The following OR4K1 variants were observed in gnomAD, a reference collection of about 807,000 sequenced individuals.
The protein encoded by OR4K1 is olfactory receptor 4K1.
Under a neutral mutation model 14.4 loss-of-function variants are expected in OR4K1, and 16 were observed. That is an observed-to-expected ratio of 1.11 (90% confidence interval 0.75 to 1.68). The LOEUF (loss-of-function observed/expected upper bound fraction) is 1.68. OR4K1 is among the 40% of genes most tolerant of loss of function. The probability of loss-of-function intolerance (pLI) is 0.00; values close to 1 mark genes in which losing one functional copy is unlikely to be tolerated. For missense variants in OR4K1, 548 were observed against 376.9 expected (o/e 1.45, Z -3.76); for synonymous variants, 181 against 133.1 (o/e 1.36, Z -2.48).
intron 1 of OR4K1, among the ~76,000 whole-genome samples, chr14:19,932,182 G>A (rs1405301802): frequency 1.3e-5 from 2 of 152,168 alleles, no homozygotes; most frequent in African/African-American, 2.4e-5. Flanking sequence ...GATATAATTT[G>A]TGGGAAATTT....
chr14:19,923,347 T>G, the OR4K1 span, among the ~76,000 whole-genome samples: 5 of 152,246 alleles, frequency 3.3e-5, no homozygotes, highest in Non-Finnish European at 7.3e-5. Flanking sequence ...ATAGATTAAG[T>G]TCTCTCATCT....
At chr14:19,926,918 A>T (rs1264355867), upstream of OR4K1, among the ~76,000 whole-genome samples, 1 of 152,274 alleles carries the variant, frequency 6.6e-6, no homozygotes, top group Non-Finnish European at 1.5e-5. Flanking sequence ...AATAGATCTT[A>T]GTATGCTGTT....
In OR4K1 at chr14:19,936,325, T is replaced by C. The variant is rs764249371; in HGVS notation, c.659T>C (p.Ile220Thr). 1.2e-6 allele frequency: 2 copies of C among 1,614,160 alleles called. No homozygotes were observed. Among genetic ancestry groups the C allele is most frequent in the African/African-American group, 1.3e-5 (1 of 74,956 alleles). Residue 220 changes from isoleucine (I) to threonine (T), a missense_variant, in exon 2 of 2, where the codon ATC becomes ACC. By Grantham distance (89) the Ile-to-Thr change is moderately conservative. Coordinates refer to ENST00000641172, the MANE Select transcript of OR4K1 (RefSeq NM_001004063.3). Reference protein sequence around the residue: ...CFLALIISYTIILIGVRCRSS... With the variant: ...CFLALIISYTTILIGVRCRSS... ...CTGGCTTTAATTATTTCCTACACCA[T>C]CATTTTGATCGGTGTCCGATGCAGG...
chr14:19,936,006 T>C lies in OR4K1; in HGVS notation c.340T>C (p.Leu114=). 6.2e-7 allele frequency: 1 copy of C among 1,614,264 alleles called. No individual in the cohort carries two copies. The highest frequency in any genetic ancestry group is 8.5e-7 in the Non-Finnish European group (1 of 1,180,036). ...CAGTTTTGTTGGGAGTGAGATGATG[T>C]TGCTTGTAGCTATGGCATATGACAG... The part of the protein sequence containing the change: ...LHSFVGSEMM[L]LVAMAYDRFI... Residue 114 remains leucine (L), a synonymous_variant, in exon 2 of 2, where the codon TTG becomes CTG. Transcript: ENST00000641172.
the OR4K1 span, chr14:19,920,916 A>G: frequency 1.2e-6 from 2 of 1,614,150 alleles, no homozygotes; most frequent in Non-Finnish European, 8.5e-7. Flanking sequence ...AATTTTCTTT[A>G]TTCACCTTTT....
the OR4K1 span, chr14:19,921,543 GAA>G: frequency 6.2e-7 from 1 of 1,613,410 alleles, no homozygotes; most frequent in African/African-American, 1.3e-5. Context: ...GAGAATTTCT[GAA>G]ATGTCACTAG....
At chr14:19,924,008 T>C in the OR4K1 span, among the ~76,000 whole-genome samples, 2 of 152,222 alleles carry the variant, frequency 1.3e-5, no homozygotes, top group African/African-American at 2.4e-5. Flanking sequence ...TCAAATATGT[T>C]AATGAGAGAA....
At chr14:19,920,692 G>T in the OR4K1 span, 1 of 1,613,870 alleles carries the variant, frequency 6.2e-7, no homozygotes, top group Non-Finnish European at 8.5e-7. Flanking sequence ...TTCTATTTTT[G>T]TTTCTTCTCT....
At chr14:19,925,782 G>A in the OR4K1 span, among the ~76,000 whole-genome samples, 9 of 152,256 alleles carry the variant, frequency 5.9e-5, no homozygotes, top group African/African-American at 1.7e-4. Flanking sequence ...ACCCCAAAAG[G>A]CCAACGGGAT....
At chr14:19,920,967 G>A in the OR4K1 span, 47 of 1,614,012 alleles carry the variant, frequency 2.9e-5, no homozygotes, top group African/African-American at 5.1e-4. Flanking sequence ...GATGGCCTAT[G>A]ACAGGTATGT....
upstream of OR4K1, among the ~76,000 whole-genome samples, chr14:19,928,191 T>A (rs759787045): frequency 6.6e-6 from 1 of 152,352 alleles, no homozygotes; most frequent in East Asian, 1.9e-4. Flanking sequence ...AAGGCATAGA[T>A]TGGACTCTCT....
chr14:19,920,853 G>A, the OR4K1 span: 1 of 1,614,164 alleles, frequency 6.2e-7, no homozygotes, highest in Non-Finnish European at 8.5e-7. Context: ...TAAAATGATT[G>A]CAGATTTTCT....
chr14:19,928,084 A>T (rs998851612), upstream of OR4K1, among the ~76,000 whole-genome samples: 1 of 152,216 alleles, frequency 6.6e-6, no homozygotes, highest in Non-Finnish European at 1.5e-5. Context: ...GAGATGGTGA[A>T]CTCCAAAATG....
At chr14:19,928,532 CTATT>C (rs1352546783), upstream of OR4K1, among the ~76,000 whole-genome samples, 2 of 152,020 alleles carry the variant, frequency 1.3e-5, no homozygotes, top group Admixed American at 1.3e-4. Flanking sequence ...TTTAAAATTC[CTATT>C]TGTTTATTTT....
upstream of OR4K1, among the ~76,000 whole-genome samples, chr14:19,928,022 C>A (rs1882098101): frequency 6.6e-6 from 1 of 152,206 alleles, no homozygotes; most frequent in South Asian, 2.1e-4. Flanking sequence ...TTGGAATGAC[C>A]TTTAAAAGCC....
the OR4K1 span, among the ~76,000 whole-genome samples, chr14:19,922,077 C>T: frequency 3.9e-4 from 51 of 129,524 alleles, no homozygotes; most frequent in East Asian, 4.8e-3. Context: ...ACTCCCCCCC[C>T]CAAAAATCAA....
At chr14:19,922,052 T>A in the OR4K1 span, among the ~76,000 whole-genome samples, 1 of 147,088 alleles carries the variant, frequency 6.8e-6, no homozygotes, top group African/African-American at 2.5e-5. Context: ...CAAGTGGAGA[T>A]TATTAGGTTA....
chr14:19,920,963 C>G, the OR4K1 span: 1 of 1,614,146 alleles, frequency 6.2e-7, no homozygotes, highest in Non-Finnish European at 8.5e-7. Context: ...TTTCGATGGC[C>G]TATGACAGGT....
the OR4K1 span, among the ~76,000 whole-genome samples, chr14:19,922,497 TCTCTC>T: frequency 1.3e-4 from 20 of 152,320 alleles, no homozygotes; most frequent in African/African-American, 4.6e-4. Flanking sequence ...TCACTCATAT[TCTCTC>T]CAAAGAGTTC....
Sources: gnomAD v4.1 joint callset for allele counts (sites outside exome capture counted in the v4.1 genomes callset) on GRCh38, gnomAD v4.1.1 for gene constraint, MANE v1.5 for transcripts, NCBI Gene and HGNC (gene_info 2026-07-23, HGNC 2026-07-21) for gene names.